ABRAXAS1: variants seen among roughly 807,000 people sequenced by gnomAD.
ABRAXAS1 encodes BRCA1-A complex subunit Abraxas 1.
ABRAXAS1 carries 26 observed loss-of-function variants against 38.4 expected under a neutral mutation model. The observed-to-expected ratio is 0.68, with a 90% CI of 0.50 to 0.94. The LOEUF (loss-of-function observed/expected upper bound fraction) is 0.94, where lower values mean the gene tolerates loss of function less well. ABRAXAS1 is among the 40% of genes least tolerant of loss of function. The pLI is 0.00. For missense variants in ABRAXAS1, 438 were observed against 481.9 expected (o/e 0.91, Z 0.85); for synonymous variants, 144 against 165.5 (o/e 0.87, Z 1.00).
chr4:83,466,539 G>GTTT (rs201346324), intron 7 of ABRAXAS1, among the ~76,000 whole-genome samples: 10 of 145,384 alleles, frequency 6.9e-5, no homozygotes, highest in African/African-American at 1.0e-4. Context: ...ATTTCCACTA[G>GTTT]TTTTTTTTTT....
chr4:83,472,563 C>T (rs907007612), intron 3 of ABRAXAS1, among the ~76,000 whole-genome samples: 1 of 152,112 alleles, frequency 6.6e-6, no homozygotes, highest in African/African-American at 2.4e-5. Context: ...AAACAGTAAA[C>T]TATCCATGAA....
intron 1 of ABRAXAS1, chr4:83,484,743 C>T: frequency 2.6e-6 from 1 of 390,598 alleles, no homozygotes; most frequent in Non-Finnish European, 4.6e-6. Flanking sequence ...GCGTGTGGGA[C>T]ACTTGGGTCG....
At chr4:83,468,068 T>C (rs965149340) in intron 6 of ABRAXAS1, among the ~76,000 whole-genome samples, 6 of 152,096 alleles carry the variant, frequency 3.9e-5, no homozygotes, top group Non-Finnish European at 8.8e-5. Context: ...TTTGGGAGGC[T>C]GAGGCAGGCG....
At chr4:83,471,191 C>CTTTTTTTTTTTTTT (rs869128932) in intron 4 of ABRAXAS1, among the ~76,000 whole-genome samples, 2 of 58,168 alleles carry the variant, frequency 3.4e-5, no homozygotes, top group Non-Finnish European at 7.6e-5. Flanking sequence ...AAAGAAACAT[C>CTTTTTTTTTTTTTT]TTTTTTTTTT....
chr4:83,467,424 G>T (rs1268410646), intron 7 of ABRAXAS1, 30 bp downstream of exon 7: 1 of 1,161,938 alleles, frequency 8.6e-7, no homozygotes. Context: ...CTATCTAGAA[G>T]TGGTTGACGT....
chr4:83,480,353 C>A (rs1458223743), intron 2 of ABRAXAS1: 4 of 421,922 alleles, frequency 9.5e-6, no homozygotes, highest in South Asian at 1.7e-5. Context: ...GTCTGGGCGA[C>A]AGAATGAGAC....
intron 1 of ABRAXAS1, among the ~76,000 whole-genome samples, chr4:83,482,889 C>T (rs1031002396): frequency 2.6e-5 from 4 of 152,136 alleles, no homozygotes; most frequent in Non-Finnish European, 5.9e-5. Context: ...GCATATAAGA[C>T]TTAAAGCCAG....
intron 7 of ABRAXAS1, among the ~76,000 whole-genome samples, chr4:83,465,298 T>C (rs1409978664): frequency 1.2e-4 from 2 of 17,284 alleles, no homozygotes; most frequent in Non-Finnish European, 2.5e-4. Context: ...AGACTCTGTC[T>C]CAAAAAAAAA....
intron 7 of ABRAXAS1, among the ~76,000 whole-genome samples, chr4:83,465,417 T>G (rs1722317172): frequency 6.6e-6 from 1 of 152,064 alleles, no homozygotes; most frequent in Non-Finnish European, 1.5e-5. Flanking sequence ...TCACCATGAC[T>G]ATTGACTATA....
intron 2 of ABRAXAS1, among the ~76,000 whole-genome samples, chr4:83,480,823 A>G (rs752231035): frequency 1.3e-5 from 2 of 152,192 alleles, no homozygotes; most frequent in Non-Finnish European, 2.9e-5. Context: ...GTAGAACACA[A>G]TGCAGTTATG....
chr4:83,482,449 G>A (rs1469653517), intron 1 of ABRAXAS1, among the ~76,000 whole-genome samples: 2 of 152,204 alleles, frequency 1.3e-5, no homozygotes, highest in Non-Finnish European at 1.5e-5. Flanking sequence ...GATGGCTCAC[G>A]CCTGTAATCC....
intron 5 of ABRAXAS1, 98 bp downstream of exon 5, chr4:83,470,105 G>A: frequency 8.4e-6 from 7 of 834,420 alleles, no homozygotes; most frequent in East Asian, 2.8e-5. Flanking sequence ...AATCTGATGC[G>A]ACAATATATG....
At chr4:83,471,189 ATCTTTTTTT>A (rs1350315571) in intron 4 of ABRAXAS1, among the ~76,000 whole-genome samples, 12 of 124,156 alleles carry the variant, frequency 9.7e-5, no homozygotes, top group East Asian at 2.3e-4. Flanking sequence ...TGAAAGAAAC[ATCTTTTTTT>A]TTTTTTTTTT....
rs1488627822 is a variant in ABRAXAS1 at position 83,461,258 on chromosome 4, C to G, written c.*1211G>C. 2 of 1,414,840 alleles carry G rather than the reference C, an allele frequency of 1.4e-6. No individual in the cohort carries two copies. The highest frequency in any genetic ancestry group is 2.3e-5 in the East Asian group (1 of 43,796). The allele number at this position is 1,414,840 out of a possible 1,614,324, so 87.6% of individuals were successfully genotyped here. A position where few individuals can be genotyped will look rare whatever the true frequency, so the allele number is the denominator to read the frequency against. On this transcript the variant is annotated 3_prime_UTR_variant, in exon 9 of 9. Transcript: ENST00000321945. ...AGTAAGTGGTTGTATGATGCCAATA[C>G]TGACTCAAACCAACCTTTGGATAGA...
intron 6 of ABRAXAS1, 97 bp downstream of exon 6, chr4:83,468,935 A>T: frequency 7.0e-7 from 1 of 1,424,850 alleles, no homozygotes; most frequent in Non-Finnish European, 9.7e-7. Context: ...TAATGGATTA[A>T]TTTTCCCTTG....
intron 4 of ABRAXAS1, among the ~76,000 whole-genome samples, chr4:83,470,692 A>G (rs1400145207): frequency 3.3e-5 from 5 of 152,010 alleles, no homozygotes; most frequent in Non-Finnish European, 7.4e-5. Flanking sequence ...TTGCAATCTC[A>G]CTCTTTAGTC....
chr4:83,483,065 A>G (rs56129120), intron 1 of ABRAXAS1, among the ~76,000 whole-genome samples: 1 of 152,112 alleles, frequency 6.6e-6, no homozygotes, highest in Non-Finnish European at 1.5e-5. Flanking sequence ...CGAAATGACA[A>G]GATTAGTGTT....
At chr4:83,483,214 G>A (rs1723057198) in intron 1 of ABRAXAS1, among the ~76,000 whole-genome samples, 2 of 151,942 alleles carry the variant, frequency 1.3e-5, no homozygotes, top group African/African-American at 4.8e-5. Flanking sequence ...CTGAGTTTTG[G>A]GGAATTCAAT....
Position 83,469,051 on chromosome 4 carries a change from G to T in ABRAXAS1, c.577C>A (p.Arg193=). 1 of 1,612,994 alleles carries T rather than the reference G, an allele frequency of 6.2e-7. No homozygotes were observed. The highest frequency in any genetic ancestry group is 1.1e-5 in the South Asian group (1 of 91,016). ...TCTTACCTGTGTGTTTGTACTGCTCGGCTAAAACCAGTGGACATACAGGAA... is the reference window on the plus strand; with the variant it reads ...TCTTACCTGTGTGTTTGTACTGCTCTGCTAAAACCAGTGGACATACAGGAA... ...SGSCMSTGFS[R]AVQTHSSKFF... is the part of the protein sequence containing the mutation. Residue 193 remains arginine (R), a synonymous_variant, in exon 6 of 9, where the codon CGA becomes AGA. Transcript: ENST00000321945.
Sources: allele counts gnomAD v4.1 joint callset (sites outside exome capture counted in the v4.1 genomes callset), GRCh38; gene constraint gnomAD v4.1.1; transcripts MANE v1.5; gene names NCBI Gene and HGNC (gene_info 2026-07-23, HGNC 2026-07-21).